The following BMP8B variants were observed in gnomAD, a reference collection of about 807,000 sequenced individuals.
BMP8B encodes bone morphogenetic protein 8 (osteogenic protein 2).
Under a neutral mutation model 30.3 loss-of-function variants are expected in BMP8B, and 17 were observed. That is an observed-to-expected ratio of 0.56 (90% confidence interval 0.38 to 0.84). BMP8B has a LOEUF of 0.84. BMP8B is among the 40% of genes least tolerant of loss of function. The pLI is 0.00. For missense variants in BMP8B, 253 were observed against 494.6 expected (o/e 0.51, Z 4.63); for synonymous variants, 131 against 214.7 (o/e 0.61, Z 3.41).
chr1:39,760,290 G>T lies in BMP8B; in HGVS notation c.*129C>A. On this transcript the variant is annotated 3_prime_UTR_variant, in exon 7 of 7. Transcript: ENST00000372827. ...CCTGGCATGAAGGAGAAAGGGTCAT[G>T]TACGTGGTTGTGAGGGTCCTCCCTG... The T allele has an allele frequency of 7.1e-7, 1 of 1,407,488 alleles. No homozygotes were observed. The highest frequency in any genetic ancestry group is 9.6e-7 in the Non-Finnish European group (1 of 1,041,272). The allele number at this position is 1,407,488 out of a possible 1,614,324, so 87.2% of individuals were successfully genotyped here. A position where few individuals can be genotyped will look rare whatever the true frequency, so the allele number is the denominator to read the frequency against.
At chr1:39,770,637 A>G (rs1649899740) in intron 3 of BMP8B, 1 of 1,549,520 alleles carries the variant, frequency 6.5e-7, no homozygotes, top group Non-Finnish European at 8.7e-7. Context: ...ACCAGGGCGA[A>G]GTCTGCCCGG....
At chr1:39,762,901 C>T (rs559335189) in intron 6 of BMP8B, among the ~76,000 whole-genome samples, 191 bp downstream of exon 6, 8 of 152,340 alleles carry the variant, frequency 5.3e-5, no homozygotes, top group African/African-American at 9.6e-5. Flanking sequence ...TGCGAGTCTA[C>T]GTGTAGTGTG....
At chr1:39,770,187 C>G in intron 3 of BMP8B, 1 of 1,355,044 alleles carries the variant, frequency 7.4e-7, no homozygotes, top group East Asian at 2.5e-5. Context: ...AGGTCGGCAT[C>G]CACCTCATCT....
At chr1:39,787,629 C>G (rs1185989055) in intron 1 of BMP8B, among the ~76,000 whole-genome samples, 1 of 152,106 alleles carries the variant, frequency 6.6e-6, no homozygotes. Context: ...GCTGAGTTTG[C>G]TCCTTCCCCA....
At position 39,763,740 on chromosome 1, in the gene BMP8B, T is replaced by G; in HGVS notation, c.920A>C (p.Tyr307Ser). Residue 307 changes from tyrosine (Y) to serine (S), a missense_variant, in exon 5 of 7, where the codon TAC becomes TCC. Transcript: ENST00000372827. ...CCAGCCGAGGTCCTGGAAGCTGACG[T>G]AGAGCTCGTGCCGACGGCAGACCTG... Reference protein sequence around the residue: ...GRQVCRRHELYVSFQDLGWLD... With the variant: ...GRQVCRRHELSVSFQDLGWLD... 1 of 1,603,598 alleles carries G rather than the reference T, an allele frequency of 6.2e-7. No homozygotes were observed. The highest frequency in any genetic ancestry group is 8.5e-7 in the Non-Finnish European group (1 of 1,174,802).
At position 39,757,736 on chromosome 1, in the gene BMP8B, G is replaced by C. The variant is rs556393314; in HGVS notation, c.*2683C>G. On this transcript the variant is annotated 3_prime_UTR_variant, in exon 7 of 7. Coordinates refer to ENST00000372827, the MANE Select transcript of BMP8B (RefSeq NM_001720.5). ...AAAGAAAAGGGAAATGGTGGTATCT[G>C]TGCTGCCAGCCTGGGCCACCCACTG... 1 of 152,372 alleles carries C rather than the reference G, an allele frequency of 6.6e-6. No individual in the cohort carries two copies. The highest frequency in any genetic ancestry group is 1.9e-4 in the East Asian group (1 of 5,192). 9.4% of individuals were successfully genotyped at this position (152,372 alleles called of 1,614,324 possible). A position where few individuals can be genotyped will look rare whatever the true frequency, so the allele number is the denominator to read the frequency against.
In BMP8B at chr1:39,788,689, G is replaced by T; in HGVS notation, c.-204C>A. ...GCGACACCTGTCCTGGCTCCTGGAC[G>T]AGAGGACGCGGACGCCACCGCCTCG... is the stretch of plus-strand genomic sequence containing the variant. On this transcript the variant is annotated 5_prime_UTR_variant, in exon 1 of 7. Coordinates refer to ENST00000372827, the MANE Select transcript of BMP8B (RefSeq NM_001720.5). The surrounding 1 kb of genome is among the most constrained non-coding windows in gnomAD (Gnocchi z 5.8). 3.4e-6 allele frequency: 1 copy of T among 293,000 alleles called. No individual in the cohort carries two copies. The highest frequency in any genetic ancestry group is 5.1e-6 in the Non-Finnish European group (1 of 197,426). 18.2% of individuals were successfully genotyped at this position (293,000 alleles called of 1,614,324 possible).
intron 1 of BMP8B, among the ~76,000 whole-genome samples, chr1:39,781,269 G>A (rs903858196): frequency 6.6e-6 from 1 of 152,168 alleles, no homozygotes; most frequent in African/African-American, 2.4e-5. Context: ...CCAGAACCCT[G>A]ATGTGTGCAG....
chr1:39,770,696 C>G (rs1649906360), intron 3 of BMP8B: 1 of 1,315,890 alleles, frequency 7.6e-7, no homozygotes. Flanking sequence ...CCTCACCTCT[C>G]GGGGCTGGCT....
chr1:39,762,346 C>A, intron 6 of BMP8B: 1 of 813,972 alleles, frequency 1.2e-6, no homozygotes, highest in Non-Finnish European at 1.8e-6. Context: ...ATCAAGGCAT[C>A]ACCGTTGAAC....
chr1:39,761,793 G>A (rs1649020516), intron 6 of BMP8B, among the ~76,000 whole-genome samples: 3 of 152,178 alleles, frequency 2.0e-5, no homozygotes, highest in Non-Finnish European at 2.9e-5. Flanking sequence ...TGATGGAGCA[G>A]CCACTCTGCT....
chr1:39,770,225 A>T, intron 3 of BMP8B: 1 of 1,479,392 alleles, frequency 6.8e-7, no homozygotes, highest in Non-Finnish European at 9.0e-7. Flanking sequence ...CAGGCCCAGG[A>T]TCCCGTTCTC....
intron 6 of BMP8B, chr1:39,761,163 C>G (rs1489275689): frequency 6.5e-6 from 1 of 153,880 alleles, no homozygotes; most frequent in African/African-American, 2.4e-5. Context: ...ACTTGTGGAT[C>G]CTGCTCCCCT....
At chr1:39,760,919 C>T (rs1400032670) in intron 6 of BMP8B, among the ~76,000 whole-genome samples, 1 of 152,078 alleles carries the variant, frequency 6.6e-6, no homozygotes, top group Non-Finnish European at 1.5e-5. Context: ...GTGAGGTCCC[C>T]AAGGGGGAGC....
intron 1 of BMP8B, among the ~76,000 whole-genome samples, chr1:39,778,972 G>T (rs1400087568): frequency 6.6e-6 from 1 of 152,204 alleles, no homozygotes; most frequent in Non-Finnish European, 1.5e-5. Context: ...CAACCCTGCA[G>T]AGATGGGGAA....
At position 39,760,504 on chromosome 1, in the gene BMP8B, G is replaced by T. The variant is rs1211824337; in HGVS notation, c.1124C>A (p.Thr375Asn). 6.2e-7 allele frequency: 1 copy of T among 1,614,176 alleles called. No individual in the cohort carries two copies. Among genetic ancestry groups the T allele is most frequent in the East Asian group, 2.2e-5 (1 of 44,870 alleles). ...ACCAPTKLSA[T>N]SVLYYDSSNN... ...GCTGCTGTCATAGTAGAGCACAGAG[G>T]TGGCGCTCAGCTTGGTGGGTGCACA... is the stretch of plus-strand genomic sequence containing the variant. Residue 375 changes from threonine (T) to asparagine (N), a missense_variant, in exon 7 of 7, where the codon ACC becomes AAC. Thr to Asn is a moderately conservative substitution (Grantham distance 65). Transcript: ENST00000372827.
At chr1:39,770,504 A>G in intron 3 of BMP8B, 1 of 1,609,748 alleles carries the variant, frequency 6.2e-7, no homozygotes, top group Non-Finnish European at 8.5e-7. Context: ...GAAAGCCCCC[A>G]CCTCCACGAT....
At chr1:39,770,431 G>C (rs781586596) in intron 3 of BMP8B, 16 of 1,608,870 alleles carry the variant, frequency 9.9e-6, no homozygotes, top group South Asian at 2.2e-5. Context: ...TTCGTTTCTC[G>C]TATTTCTGCC....
At chr1:39,768,994 C>T (rs1252050837) in intron 3 of BMP8B, among the ~76,000 whole-genome samples, 1 of 150,100 alleles carries the variant, frequency 6.7e-6, no homozygotes, top group African/African-American at 2.5e-5. Context: ...GCCTGGGCAA[C>T]ATGGTGAAAC....
Sources: allele counts gnomAD v4.1 joint callset (sites outside exome capture counted in the v4.1 genomes callset), GRCh38; gene constraint gnomAD v4.1.1; non-coding constraint Gnocchi (gnomAD v3.1); transcripts MANE v1.5; gene names NCBI Gene and HGNC (gene_info 2026-07-23, HGNC 2026-07-21).